ADAMTS6: variants seen among roughly 807,000 people sequenced by gnomAD.
ADAMTS6 encodes A disintegrin and metalloproteinase with thrombospondin motifs 6.
A neutral mutation model predicts 144.3 loss-of-function variants in ADAMTS6; 23 were observed. The observed-to-expected ratio is 0.16, with a 90% CI of 0.11 to 0.23. The LOEUF (loss-of-function observed/expected upper bound fraction) is 0.23. Among genes scored for constraint, ADAMTS6 ranks in the 10% least tolerant of loss-of-function variants. The pLI, the probability that ADAMTS6 is intolerant of heterozygous loss-of-function variation, is 1.00. For synonymous variants in ADAMTS6, 444 were observed against 457.5 expected (o/e 0.97, Z 0.38); for missense variants, 999 against 1,379.6 (o/e 0.72, Z 4.37).
At chr5:65,456,055 T>C (rs111639834) in intron 4 of ADAMTS6, among the ~76,000 whole-genome samples, 2,618 of 151,502 alleles carry the variant, frequency 0.017, 74 homozygotes, top group African/African-American at 0.058. Context: ...TATACACATA[T>C]ACTGAATAAA....
intron 9 of ADAMTS6, among the ~76,000 whole-genome samples, chr5:65,328,014 G>A (rs7737337): frequency 6.6e-6 from 1 of 151,930 alleles, no homozygotes; most frequent in African/African-American, 2.4e-5. Flanking sequence ...TTGGTTAAGG[G>A]GGGGCTTTTC....
At chr5:65,336,162 T>C (rs1031455969) in intron 7 of ADAMTS6, among the ~76,000 whole-genome samples, 1 of 152,098 alleles carries the variant, frequency 6.6e-6, no homozygotes, top group Non-Finnish European at 1.5e-5. Context: ...TATATACAGA[T>C]TGAGTTTATA....
intron 10 of ADAMTS6, among the ~76,000 whole-genome samples, chr5:65,294,699 GA>G (rs1742662247): frequency 6.6e-6 from 1 of 152,022 alleles, no homozygotes; most frequent in African/African-American, 2.4e-5. Context: ...TTACCATTAT[GA>G]AATATTACAG....
intron 24 of ADAMTS6, among the ~76,000 whole-genome samples, chr5:65,162,876 G>C (rs1007819701): frequency 6.6e-6 from 1 of 152,052 alleles, no homozygotes; most frequent in African/African-American, 2.4e-5. Flanking sequence ...TCATTTGCTG[G>C]AGTCTTACAG....
intron 12 of ADAMTS6, among the ~76,000 whole-genome samples, chr5:65,269,521 T>C (rs925502532): frequency 8.5e-5 from 13 of 152,162 alleles, no homozygotes; most frequent in African/African-American, 3.1e-4. Flanking sequence ...AAAATTGCTT[T>C]TTTACTTTGC....
At chr5:65,180,008 T>G (rs1754244523) in intron 22 of ADAMTS6, among the ~76,000 whole-genome samples, 1 of 152,028 alleles carries the variant, frequency 6.6e-6, no homozygotes, top group African/African-American at 2.4e-5. Context: ...CTGAGGACTC[T>G]GAGTAAACAC....
intron 12 of ADAMTS6, among the ~76,000 whole-genome samples, chr5:65,271,596 T>A (rs1031514186): frequency 6.6e-5 from 10 of 152,178 alleles, no homozygotes; most frequent in Admixed American, 2.6e-4. Context: ...ATGATCAGTA[T>A]TAAATACGTA....
At chr5:65,354,891 T>C (rs74555120) in intron 7 of ADAMTS6, among the ~76,000 whole-genome samples, 3,057 of 151,888 alleles carry the variant, frequency 0.02, 93 homozygotes, top group African/African-American at 0.068. Context: ...TAAAAACTTA[T>C]TAGCCCTAAT....
chr5:65,291,709 G>C (rs1450279870), intron 10 of ADAMTS6, among the ~76,000 whole-genome samples: 1 of 152,068 alleles, frequency 6.6e-6, no homozygotes, highest in African/African-American at 2.4e-5. Context: ...ATATGAAAAT[G>C]TCACGTTGGC....
intron 7 of ADAMTS6, among the ~76,000 whole-genome samples, chr5:65,432,520 A>C (rs951476571): frequency 6.6e-6 from 1 of 151,852 alleles, no homozygotes; most frequent in African/African-American, 2.4e-5. Context: ...ATTAGCACTT[A>C]ATCACACACA....
At chr5:65,371,249 C>A (rs1200578685) in intron 7 of ADAMTS6, among the ~76,000 whole-genome samples, 1 of 152,208 alleles carries the variant, frequency 6.6e-6, no homozygotes, top group African/African-American at 2.4e-5. Flanking sequence ...TCCTCACCAG[C>A]AACGGAACAA....
rs1760637359 is a variant in ADAMTS6, at chr5:65,473,647, G to A, written c.27C>T (p.Thr9=). The change falls in exon 2 of 25, where the codon ACC becomes ACT. Residue 9 remains threonine (T), a synonymous_variant. Transcript: ENST00000381055. The stretch of plus-strand genomic sequence containing the variant: ...AAGCCATGATGAGGCTCAAAATCCA[G>A]GTCAACGTCTTCCACAAAATTTCCA... MEILWKTL[T]WILSLIMASS... The A allele has an allele frequency of 6.2e-7, 1 of 1,613,640 alleles. No homozygotes were observed. The highest frequency in any genetic ancestry group is 8.5e-7 in the Non-Finnish European group (1 of 1,179,654).
intron 9 of ADAMTS6, among the ~76,000 whole-genome samples, chr5:65,303,280 C>T (rs1421937839): frequency 3.3e-5 from 5 of 152,020 alleles, no homozygotes; most frequent in Non-Finnish European, 7.4e-5. Context: ...TAATAAACTC[C>T]TTTTATCCCT....
In ADAMTS6 at chr5:65,170,602, C is replaced by T. The variant is rs1753555768; in HGVS notation, c.3244+15G>A. 3.7e-6 allele frequency: 6 copies of T among 1,613,202 alleles called. No homozygotes were observed. The highest frequency in any genetic ancestry group is 5.1e-6 in the Non-Finnish European group (6 of 1,179,608). ...TCATTAGAAACCACAGGCCCCTCCT[C>T]CATGGAAAACTCACCTTCAGTATTA... On this transcript the variant is annotated intron_variant, in intron 24 of 24. Transcript: ENST00000381055.
rs142309407 is a variant in ADAMTS6, at chr5:65,298,093, G to C, written c.1370+1892C>G. 3.3e-3 allele frequency among the ~76,000 whole-genome samples: 501 copies of C among 152,198 alleles called. 3 individuals carry two copies. Among genetic ancestry groups the C allele is most frequent in the Middle Eastern group, 0.017 (5 of 294 alleles). On this transcript the variant is annotated intron_variant, in intron 10 of 24. Transcript: ENST00000381055. ...TTTATGTCCCTCACCAAACCAGTGG[G>C]TGATTTTTAAACTGCATTTTACCAG...
intron 20 of ADAMTS6, among the ~76,000 whole-genome samples, chr5:65,212,970 GA>G (rs1277343006): frequency 6.6e-6 from 1 of 152,108 alleles, no homozygotes; most frequent in Non-Finnish European, 1.5e-5. Flanking sequence ...TATGCAAAGG[GA>G]AAAGTTAATT....
At chr5:65,343,247 G>A (rs930214879) in intron 7 of ADAMTS6, among the ~76,000 whole-genome samples, 1 of 152,004 alleles carries the variant, frequency 6.6e-6, no homozygotes, top group African/African-American at 2.4e-5. Context: ...GCAATCATAA[G>A]CAAAAAGAAC....
chr5:65,262,307 A>G (rs1189453342), intron 13 of ADAMTS6, among the ~76,000 whole-genome samples: 1 of 152,234 alleles, frequency 6.6e-6, no homozygotes, highest in Non-Finnish European at 1.5e-5. Context: ...TAATGGGGGC[A>G]TATGAATGGA....
chr5:65,319,722 AGGG>A (rs1745379497), intron 9 of ADAMTS6, among the ~76,000 whole-genome samples: 26 of 16,744 alleles, frequency 1.6e-3, no homozygotes, highest in Non-Finnish European at 1.9e-4. Flanking sequence ...GAGGGAAGGG[AGGG>A]AGGGAGGGAG....
Sources: gnomAD v4.1 joint callset for allele counts (sites outside exome capture counted in the v4.1 genomes callset) on GRCh38, gnomAD v4.1.1 for gene constraint, MANE v1.5 for transcripts, NCBI Gene and HGNC (gene_info 2026-07-23, HGNC 2026-07-21) for gene names.